Variants in ADIPOR2 observed in about 807,000 individuals in gnomAD.
The protein encoded by ADIPOR2 is adiponectin receptor protein 2.
In ADIPOR2, 18 loss-of-function variants were observed where a neutral mutation model predicts 40.9. That is an observed-to-expected ratio of 0.44 (90% confidence interval 0.30 to 0.65). The LOEUF is 0.65. ADIPOR2 is among the 30% of genes least tolerant of loss of function. The pLI, the probability that ADIPOR2 is intolerant of heterozygous loss-of-function variation, is 0.09. For missense variants in ADIPOR2, 283 were observed against 479.2 expected (o/e 0.59, Z 3.82); for synonymous variants, 165 against 166.4 (o/e 0.99, Z 0.06).
At chr12:1,752,228 C>CTTTTTT in intron 1 of ADIPOR2, among the ~76,000 whole-genome samples, 1 of 15,580 alleles carries the variant, frequency 6.4e-5, no homozygotes, top group Non-Finnish European at 1.4e-4. Flanking sequence ...TGCTCCTGGC[C>CTTTTTT]TCTTTTTTTT....
At chr12:1,779,605 C>G (rs577541675) in intron 4 of ADIPOR2, among the ~76,000 whole-genome samples, 1 of 152,078 alleles carries the variant, frequency 6.6e-6, no homozygotes, top group Non-Finnish European at 1.5e-5. Context: ...GTTGTACAAC[C>G]TTGTGAATAT....
chr12:1,711,613 CCTCTCTCTCTCTCTCT>C (rs3052417), intron 1 of ADIPOR2, among the ~76,000 whole-genome samples: 3 of 149,770 alleles, frequency 2.0e-5, no homozygotes, highest in African/African-American at 7.5e-5. Flanking sequence ...TTTGTCTCTT[CCTCTCTCTCTCTCTCT>C]CTCTCTCTCT....
intron 1 of ADIPOR2, among the ~76,000 whole-genome samples, chr12:1,744,258 C>T (rs781106958): frequency 2.0e-5 from 3 of 152,046 alleles, no homozygotes; most frequent in Non-Finnish European, 4.4e-5. Flanking sequence ...GCAGCCGCCA[C>T]CACACCTGGC....
At chr12:1,773,555 T>C (rs1012525813) in intron 3 of ADIPOR2, among the ~76,000 whole-genome samples, 3 of 150,740 alleles carry the variant, frequency 2.0e-5, no homozygotes, top group South Asian at 4.2e-4. Context: ...TAATTAGAAT[T>C]GAGTTTGCCT....
Position 1,783,949 on chromosome 12 carries a change from T to G in ADIPOR2, c.908T>G (p.Leu303Arg), listed in dbSNP as rs1862777788. 6.2e-7 allele frequency: 1 copy of G among 1,613,886 alleles called. No homozygotes were observed. The highest frequency in any genetic ancestry group is 8.5e-7 in the Non-Finnish European group (1 of 1,179,870). The change falls in exon 7 of 8, where the codon CTT becomes CGT. Residue 303 changes from leucine to arginine, a missense_variant. Leu to Arg is a moderately radical substitution (Grantham distance 102). Transcript: ENST00000357103. ...TLHYVISEGF[L>R]KAATIGQIGW... ...CACTATGTCATCTCGGAGGGGTTCC[T>G]TAAGGCCGCCACCATAGGGCAGATA...
chr12:1,702,158 C>T (rs180694882), intron 1 of ADIPOR2, among the ~76,000 whole-genome samples: 6 of 152,034 alleles, frequency 3.9e-5, no homozygotes, highest in East Asian at 1.9e-4. Flanking sequence ...CCCCACATGT[C>T]GCGACTCCCT....
chr12:1,709,576 A>G (rs1336456552), intron 1 of ADIPOR2, among the ~76,000 whole-genome samples: 2 of 152,178 alleles, frequency 1.3e-5, no homozygotes, highest in Admixed American at 1.3e-4. Context: ...ACTGTGGCTT[A>G]TTTTAATTTC....
At position 1,758,004 on chromosome 12, in the gene ADIPOR2, C is replaced by T. The variant is rs868286323; in HGVS notation, c.171+3490C>T. The T allele has an allele frequency of 6.9e-5, 62 of 904,862 alleles. 1 individual carries two copies. The Middle Eastern group carries it at 2.4e-3, about 35-fold the overall frequency. The allele number at this position is 904,862 out of a possible 1,614,324, so 56.1% of individuals were successfully genotyped here. Reference sequence around the variant, plus strand: ...CCACTTCAGATGCTTCTTGGGACCACGCGCCATGGCTGCGTTAGGCAGGGA... The same window carrying T: ...CCACTTCAGATGCTTCTTGGGACCATGCGCCATGGCTGCGTTAGGCAGGGA... On this transcript the variant is annotated intron_variant, in intron 2 of 7. Transcript: ENST00000357103.
chr12:1,748,044 G>A (rs781303749), intron 1 of ADIPOR2, among the ~76,000 whole-genome samples: 8 of 151,718 alleles, frequency 5.3e-5, no homozygotes, highest in Non-Finnish European at 1.2e-4. Flanking sequence ...TCCTTTTAGA[G>A]TACCAAACTG....
intron 1 of ADIPOR2, among the ~76,000 whole-genome samples, chr12:1,725,421 A>C (rs563194223): frequency 6.6e-6 from 1 of 152,148 alleles, no homozygotes; most frequent in African/African-American, 2.4e-5. Flanking sequence ...CACCTGGCCA[A>C]ATGTCCCAAA....
At chr12:1,717,532 C>G (rs142246789) in intron 1 of ADIPOR2, among the ~76,000 whole-genome samples, 4 of 152,042 alleles carry the variant, frequency 2.6e-5, no homozygotes, top group Non-Finnish European at 5.9e-5. Context: ...ATGGAGAAAC[C>G]CTGTCTCTGC....
In ADIPOR2 at chr12:1,777,943, T is replaced by C; in HGVS notation, c.381T>C (p.Pro127=). Residue 127 remains proline, a synonymous_variant, in exon 4 of 8, where the codon CCT becomes CCC. Coordinates refer to ENST00000357103, the MANE Select transcript of ADIPOR2 (RefSeq NM_024551.3). ...ACTTCCTCTTGCATGGACACCGGCCTCCTATGCCTTCTTTCCGGGCCTGTT... is the reference window on the plus strand; with the variant it reads ...ACTTCCTCTTGCATGGACACCGGCCCCCTATGCCTTCTTTCCGGGCCTGTT... The part of the protein sequence containing the change: ...DNDFLLHGHR[P]PMPSFRACFK... 6.2e-7 allele frequency: 1 copy of C among 1,614,128 alleles called. No homozygotes were observed. The highest frequency in any genetic ancestry group is 8.5e-7 in the Non-Finnish European group (1 of 1,180,008).
chr12:1,695,957 T>C, intron 1 of ADIPOR2: 1 of 153,008 alleles, frequency 6.5e-6, no homozygotes, highest in Non-Finnish European at 1.5e-5. Flanking sequence ...ATCATCAAAG[T>C]TCTTCTTTTT....
At chr12:1,720,548 C>T (rs1356475265) in intron 1 of ADIPOR2, among the ~76,000 whole-genome samples, 1 of 152,178 alleles carries the variant, frequency 6.6e-6, no homozygotes, top group Non-Finnish European at 1.5e-5. Context: ...GATCATCAGG[C>T]ATTAGATTCT....
intron 1 of ADIPOR2, among the ~76,000 whole-genome samples, chr12:1,739,957 C>T (rs138089054): frequency 0.012 from 1,724 of 148,968 alleles, 27 homozygotes; most frequent in African/African-American, 0.032. Context: ...AAAAAATTAA[C>T]CGGGCGTGGT....
chr12:1,745,189 G>C (rs78249662), intron 1 of ADIPOR2, among the ~76,000 whole-genome samples: 1 of 152,122 alleles, frequency 6.6e-6, no homozygotes, highest in African/African-American at 2.4e-5. Flanking sequence ...TGATGGGTTT[G>C]CTTTTGCTCT....
intron 1 of ADIPOR2, among the ~76,000 whole-genome samples, chr12:1,730,478 G>A (rs2094717638): frequency 1.3e-5 from 2 of 151,844 alleles, no homozygotes; most frequent in Non-Finnish European, 1.5e-5. Context: ...TTAGCTGGGC[G>A]CGGTGGCGGG....
intron 2 of ADIPOR2, chr12:1,757,245 G>A: frequency 5.3e-6 from 3 of 566,406 alleles, no homozygotes; most frequent in Non-Finnish European, 9.7e-6. Context: ...CCACTGCTCT[G>A]TTTGGTCGCC....
Position 1,786,130 on chromosome 12 carries a change from C to T in ADIPOR2, c.*58C>T, listed in dbSNP as rs1862829266. ...ACCAGGGCCTGCGGCACTTGCGGGC[C>T]TCCCTGCTGGCTACTGATGCCAGTA... On this transcript the variant is annotated 3_prime_UTR_variant, in exon 8 of 8. Transcript: ENST00000357103. 6.3e-7 allele frequency: 1 copy of T among 1,577,936 alleles called. No homozygotes were observed. The highest frequency in any genetic ancestry group is 8.6e-7 in the Non-Finnish European group (1 of 1,164,002).
Sources: allele counts gnomAD v4.1 joint callset (sites outside exome capture counted in the v4.1 genomes callset), GRCh38; gene constraint gnomAD v4.1.1; transcripts MANE v1.5; gene names NCBI Gene and HGNC (gene_info 2026-07-23, HGNC 2026-07-21).